ERC2: variants seen among roughly 807,000 people sequenced by gnomAD.
The protein encoded by ERC2 is ERC protein 2.
In ERC2, 42 loss-of-function variants were observed where a neutral mutation model predicts 114.8. That is an observed-to-expected ratio of 0.37 (90% CI 0.29 to 0.47). The LOEUF (loss-of-function observed/expected upper bound fraction) is 0.47. Among genes scored for constraint, ERC2 ranks in the 20% least tolerant of loss-of-function variants. The probability of loss-of-function intolerance (pLI) is 0.99; values close to 1 mark genes in which losing one functional copy is unlikely to be tolerated. For synonymous variants in ERC2, 454 were observed against 425.5 expected, an observed-to-expected ratio of 1.07 and a Z score of -0.82; for missense variants, 939 against 1,150.7, an observed-to-expected ratio of 0.82 and a Z score of 2.66.
At chr3:55,803,904 C>T (rs910904179) in intron 14 of ERC2, among the ~76,000 whole-genome samples, 6 of 152,110 alleles carry the variant, frequency 3.9e-5, no homozygotes, top group African/African-American at 1.4e-4. Context: ...TCCATGCCTG[C>T]CATAGTGACA....
chr3:55,824,160 AC>A (rs1267101833), intron 14 of ERC2, among the ~76,000 whole-genome samples: 1 of 152,128 alleles, frequency 6.6e-6, no homozygotes, highest in Non-Finnish European at 1.5e-5. Context: ...TAAAGACCTA[AC>A]CTCTAAACAC....
chr3:55,520,222 G>A (rs991883511), intron 17 of ERC2, among the ~76,000 whole-genome samples: 4 of 151,940 alleles, frequency 2.6e-5, no homozygotes, highest in Non-Finnish European at 4.4e-5. Flanking sequence ...GGAGGGCAAG[G>A]GGGACAGATG....
intron 2 of ERC2, among the ~76,000 whole-genome samples, chr3:56,307,849 C>T (rs1177685308): frequency 6.6e-6 from 1 of 152,014 alleles, no homozygotes; most frequent in Non-Finnish European, 1.5e-5. Flanking sequence ...CACACACACA[C>T]ACACACACAC....
At chr3:55,800,552 C>T (rs1367561422) in intron 14 of ERC2, among the ~76,000 whole-genome samples, 1 of 152,090 alleles carries the variant, frequency 6.6e-6, no homozygotes, top group African/African-American at 2.4e-5. Flanking sequence ...AGATGTATGG[C>T]CAAACTGACA....
intron 12 of ERC2, among the ~76,000 whole-genome samples, chr3:55,951,397 G>C (rs1346823973): frequency 6.6e-6 from 1 of 152,158 alleles, no homozygotes; most frequent in African/African-American, 2.4e-5. Flanking sequence ...CTGGGGCTTG[G>C]AGTAAAACTT....
intron 3 of ERC2, among the ~76,000 whole-genome samples, chr3:56,225,040 G>A (rs959519471): frequency 6.6e-6 from 1 of 151,810 alleles, no homozygotes; most frequent in Non-Finnish European, 1.5e-5. Context: ...ATGTGTCCTC[G>A]GGCAAGTCCT....
chr3:55,670,688 A>G (rs2061522609), intron 17 of ERC2, among the ~76,000 whole-genome samples: 1 of 152,188 alleles, frequency 6.6e-6, no homozygotes, highest in African/African-American at 2.4e-5. Flanking sequence ...CCACATACGG[A>G]GACATCAGGA....
At position 56,225,390 on chromosome 3, in the gene ERC2, T is replaced by C. The variant is rs113819681; in HGVS notation, c.1075-51870A>G. On this transcript the variant is annotated intron_variant, in intron 3 of 17. Coordinates refer to ENST00000288221, the MANE Select transcript of ERC2 (RefSeq NM_015576.3). ...ACACTGAGACCATGATAAGGCCACATCATAACTTTGTCTAAGCGCAGACAA... is the reference window on the plus strand; with the variant it reads ...ACACTGAGACCATGATAAGGCCACACCATAACTTTGTCTAAGCGCAGACAA... Among the ~76,000 whole-genome samples the C allele has an allele frequency of 6.6e-3, 1,005 of 152,230 alleles. 15 individuals carry two copies. The highest frequency in any genetic ancestry group is 0.023 in the African/African-American group (964 of 41,542).
At chr3:56,281,306 G>C (rs370745097) in intron 3 of ERC2, among the ~76,000 whole-genome samples, 1 of 147,772 alleles carries the variant, frequency 6.8e-6, no homozygotes, top group East Asian at 2.0e-4. Context: ...GCGTAGTGGC[G>C]GGCGCCTGTA....
chr3:56,395,806 T>C (rs1346435589), intron 2 of ERC2, among the ~76,000 whole-genome samples: 1 of 152,176 alleles, frequency 6.6e-6, no homozygotes, highest in East Asian at 1.9e-4. Context: ...GACAAAATGT[T>C]AAAAGGGAAA....
intron 6 of ERC2, among the ~76,000 whole-genome samples, chr3:56,093,380 A>G (rs944780023): frequency 6.6e-6 from 1 of 152,204 alleles, no homozygotes; most frequent in African/African-American, 2.4e-5. Flanking sequence ...AATGGAAAAA[A>G]GCACAGAACT....
intron 6 of ERC2, among the ~76,000 whole-genome samples, chr3:56,101,166 A>C (rs1277119243): frequency 6.6e-6 from 1 of 152,218 alleles, no homozygotes; most frequent in Non-Finnish European, 1.5e-5. Flanking sequence ...ACATAATCAG[A>C]GATGAGTGGG....
chr3:55,609,788 T>C (rs1199353649), intron 17 of ERC2, among the ~76,000 whole-genome samples: 4 of 152,068 alleles, frequency 2.6e-5, no homozygotes, highest in Non-Finnish European at 4.4e-5. Flanking sequence ...ATCTGCAAAA[T>C]GATTTTTATC....
chr3:56,299,453 C>G (rs1161869801), intron 2 of ERC2, among the ~76,000 whole-genome samples: 1 of 144,614 alleles, frequency 6.9e-6, no homozygotes, highest in Admixed American at 6.9e-5. Flanking sequence ...TTTTTTGAGA[C>G]AGAGTCTCAC....
intron 14 of ERC2, among the ~76,000 whole-genome samples, chr3:55,743,530 T>C (rs1036708066): frequency 3.3e-5 from 5 of 149,910 alleles, no homozygotes; most frequent in African/African-American, 4.9e-5. Flanking sequence ...GGAGGGACCA[T>C]TGTCCCAGGT....
chr3:56,076,283 G>T (rs1186962510), intron 7 of ERC2, among the ~76,000 whole-genome samples: 1 of 152,064 alleles, frequency 6.6e-6, no homozygotes, highest in African/African-American at 2.4e-5. Context: ...ATTTTAATGG[G>T]TTTAAAAAAA....
intron 3 of ERC2, among the ~76,000 whole-genome samples, chr3:56,257,124 T>C (rs889791498): frequency 3.3e-5 from 5 of 152,196 alleles, no homozygotes; most frequent in African/African-American, 9.7e-5. Context: ...ACCACTGGAA[T>C]GAAACAAGTG....
At chr3:55,869,294 G>C (rs751360451) in intron 14 of ERC2, among the ~76,000 whole-genome samples, 3 of 152,102 alleles carry the variant, frequency 2.0e-5, no homozygotes, top group Non-Finnish European at 2.9e-5. Flanking sequence ...ATAAGGTTAG[G>C]AGTCAAGGAT....
intron 11 of ERC2, among the ~76,000 whole-genome samples, chr3:55,991,415 C>G (rs1029235366): frequency 5.3e-5 from 8 of 152,188 alleles, no homozygotes; most frequent in Non-Finnish European, 1.2e-4. Context: ...AGCATCCACA[C>G]TATACATAAA....
Sources: gnomAD v4.1 joint callset for allele counts (sites outside exome capture counted in the v4.1 genomes callset) on GRCh38, gnomAD v4.1.1 for gene constraint, MANE v1.5 for transcripts, NCBI Gene and HGNC (gene_info 2026-07-23, HGNC 2026-07-21) for gene names.